The following CSMD1 variants were observed in gnomAD, a reference collection of about 807,000 sequenced individuals.
CSMD1 encodes the protein CUB and sushi domain-containing protein 1.
A neutral mutation model predicts 417.5 loss-of-function variants in CSMD1; 213 were observed. The ratio of observed to expected loss-of-function variants is 0.51; its 90% CI spans 0.46 to 0.57. The LOEUF (loss-of-function observed/expected upper bound fraction) is 0.57. Ranked by LOEUF, CSMD1 falls within the 20% of genes least tolerant of loss-of-function variation. CSMD1 has a pLI of 0.00. For missense variants in CSMD1, 6,923 were observed against 4,529.7 expected, an observed-to-expected ratio of 1.53 and a Z score of -15.17; for synonymous variants, 2,862 against 1,736.8, an observed-to-expected ratio of 1.65 and a Z score of -16.11.
intron 2 of CSMD1, among the ~76,000 whole-genome samples, chr8:4,611,691 AT>A (rs912783656): frequency 1.3e-5 from 2 of 152,174 alleles, no homozygotes; most frequent in African/African-American, 4.8e-5. Flanking sequence ...TGTTTTCATC[AT>A]GACTAAAGAT....
At chr8:3,891,720 C>G (rs571387247) in intron 5 of CSMD1, among the ~76,000 whole-genome samples, 1 of 152,144 alleles carries the variant, frequency 6.6e-6, no homozygotes, top group African/African-American at 2.4e-5. Context: ...TCTCCTAACA[C>G]TAGTCTCCCA....
intron 3 of CSMD1, among the ~76,000 whole-genome samples, chr8:4,155,686 T>G (rs17405018): frequency 6.6e-6 from 1 of 152,068 alleles, no homozygotes; most frequent in East Asian, 1.9e-4. Context: ...TTAAGCAAAT[T>G]TCTAATCAAC....
chr8:4,087,652 T>A (rs746770301), intron 3 of CSMD1, among the ~76,000 whole-genome samples: 15 of 152,158 alleles, frequency 9.9e-5, no homozygotes, highest in Non-Finnish European at 1.6e-4. Context: ...ATTCTTACTC[T>A]TTCTCATTTT....
intron 2 of CSMD1, among the ~76,000 whole-genome samples, chr8:4,604,285 A>T (rs995597814): frequency 6.6e-6 from 1 of 151,872 alleles, no homozygotes; most frequent in African/African-American, 2.4e-5. Flanking sequence ...TAGATATAAG[A>T]CATTGGTGTC....
chr8:4,904,423 A>C (rs1040227496), intron 1 of CSMD1, among the ~76,000 whole-genome samples: 1 of 152,158 alleles, frequency 6.6e-6, no homozygotes, highest in Non-Finnish European at 1.5e-5. Flanking sequence ...CTTATATCTC[A>C]CAAATAAAAC....
At chr8:3,282,325 C>G (rs1288964963) in intron 26 of CSMD1, among the ~76,000 whole-genome samples, 3 of 152,034 alleles carry the variant, frequency 2.0e-5, no homozygotes, top group East Asian at 1.9e-4. Context: ...CGTGGGAACT[C>G]TGTGCCTTCT....
intron 5 of CSMD1, among the ~76,000 whole-genome samples, chr8:3,931,047 G>C (rs372762080): frequency 6.6e-6 from 1 of 150,444 alleles, no homozygotes; most frequent in African/African-American, 2.5e-5. Flanking sequence ...CTTAACTGCG[G>C]TATGATCGCT....
intron 40 of CSMD1, among the ~76,000 whole-genome samples, chr8:3,149,691 T>A (rs987703911): frequency 2.0e-5 from 3 of 152,208 alleles, no homozygotes; most frequent in African/African-American, 7.2e-5. Flanking sequence ...TTGGCCAGGA[T>A]GATCTCGATC....
intron 23 of CSMD1, among the ~76,000 whole-genome samples, chr8:3,311,116 T>G (rs1161971746): frequency 2.0e-5 from 3 of 152,150 alleles, no homozygotes; most frequent in Non-Finnish European, 4.4e-5. Context: ...CCAAATGTCT[T>G]AAATTCACCT....
intron 1 of CSMD1, among the ~76,000 whole-genome samples, chr8:4,751,937 T>A (rs1313734260): frequency 6.6e-6 from 1 of 152,188 alleles, no homozygotes; most frequent in Non-Finnish European, 1.5e-5. Context: ...ATCCATGTAA[T>A]CTGAGAGTGG....
rs148209637 is a variant in CSMD1 at position 3,504,187 on chromosome 8, T to C, written c.1345-10461A>G. ...ATCAATGACACACTGTATACCAGTA[T>C]TGAAACACTGCATGTACCCCATAAA... is the stretch of plus-strand genomic sequence containing the variant. On this transcript the variant is annotated intron_variant, in intron 10 of 69. Transcript: ENST00000635120. Among the ~76,000 whole-genome samples, 20 of 152,272 alleles carry C rather than the reference T, an allele frequency of 1.3e-4. 1 individual carries two copies. The highest frequency in any genetic ancestry group is 3.9e-4 in the African/African-American group (16 of 41,546).
intron 5 of CSMD1, among the ~76,000 whole-genome samples, chr8:3,875,232 C>T (rs552384240): frequency 6.6e-6 from 1 of 152,204 alleles, no homozygotes; most frequent in South Asian, 2.1e-4. Context: ...CAATGGTCCT[C>T]ATGATTTGAA....
intron 5 of CSMD1, among the ~76,000 whole-genome samples, chr8:3,787,540 C>T (rs1249508606): frequency 1.3e-5 from 2 of 152,024 alleles, no homozygotes; most frequent in Non-Finnish European, 2.9e-5. Flanking sequence ...ATATTCATAT[C>T]CATGAATAGG....
intron 1 of CSMD1, among the ~76,000 whole-genome samples, chr8:4,985,888 G>C (rs116397087): frequency 3.0e-4 from 45 of 152,302 alleles, no homozygotes; most frequent in Admixed American, 5.9e-4. Flanking sequence ...GGGGAAAAGA[G>C]ACACAACAAG....
At chr8:3,240,588 C>T (rs192969022) in intron 26 of CSMD1, among the ~76,000 whole-genome samples, 1 of 151,824 alleles carries the variant, frequency 6.6e-6, no homozygotes, top group Non-Finnish European at 1.5e-5. Context: ...AGCTTTGCGG[C>T]AGTACAGCCC....
chr8:4,683,654 G>C lies in CSMD1; in HGVS notation c.86-46096C>G, dbSNP rs552211011. Among the ~76,000 whole-genome samples, 24 of 152,344 alleles carry C rather than the reference G, an allele frequency of 1.6e-4. No homozygotes were observed. The South Asian group carries it at 3.5e-3, about 22-fold the overall frequency. ...ACCTCGCAGAGAAGGCGGCCCTGGAGTGTGGGGACTCCCAGCCAGTCCAGT... is the reference window on the plus strand; with the variant it reads ...ACCTCGCAGAGAAGGCGGCCCTGGACTGTGGGGACTCCCAGCCAGTCCAGT... On this transcript the variant is annotated intron_variant, in intron 1 of 69. Coordinates refer to ENST00000635120, the MANE Select transcript of CSMD1 (RefSeq NM_033225.6).
At chr8:3,254,790 T>G (rs10098323) in intron 26 of CSMD1, among the ~76,000 whole-genome samples, 48,705 of 151,926 alleles carry the variant, frequency 0.32, 8,147 homozygotes, top group Admixed American at 0.38. Context: ...TTTTCAAGGT[T>G]TTTAACTTCT....
chr8:4,022,393 G>A (rs1452132823), intron 4 of CSMD1, among the ~76,000 whole-genome samples: 1 of 151,994 alleles, frequency 6.6e-6, no homozygotes, highest in African/African-American at 2.4e-5. Flanking sequence ...ATTATGGGAG[G>A]ACATATTTTC....
At chr8:3,965,381 T>C (rs749520683) in intron 5 of CSMD1, among the ~76,000 whole-genome samples, 9 of 152,162 alleles carry the variant, frequency 5.9e-5, no homozygotes, top group Non-Finnish European at 2.9e-5. Flanking sequence ...GAACAAGCGT[T>C]CTACAAATAC....
Sources: allele counts gnomAD v4.1 joint callset (sites outside exome capture counted in the v4.1 genomes callset), GRCh38; gene constraint gnomAD v4.1.1; transcripts MANE v1.5; gene names NCBI Gene and HGNC (gene_info 2026-07-23, HGNC 2026-07-21).